Variants in FUT8 observed in about 807,000 individuals in gnomAD.
FUT8 encodes the protein fucosyltransferase 8, also known as alpha-(1,6)-fucosyltransferase.
Under a neutral mutation model 71.3 loss-of-function variants are expected in FUT8, and 29 were observed. The ratio of observed to expected loss-of-function variants is 0.41; its 90% CI spans 0.30 to 0.55. The LOEUF is 0.55. Ranked by LOEUF, FUT8 falls within the 20% of genes least tolerant of loss-of-function variation. The pLI is 0.34. For synonymous variants in FUT8, 254 were observed against 239.3 expected (o/e 1.06, Z -0.57); for missense variants, 544 against 702.1 (o/e 0.77, Z 2.55).
chr14:65,694,269 C>CT (rs1348459060), intron 7 of FUT8, among the ~76,000 whole-genome samples: 1 of 151,522 alleles, frequency 6.6e-6, no homozygotes, highest in Non-Finnish European at 1.5e-5. Flanking sequence ...TTGGGTTTAG[C>CT]TTTTTCTTCC....
rs142089958 is a variant in FUT8 at position 65,552,572 on chromosome 14, A to G, written c.-227-8765A>G. On this transcript the variant is annotated intron_variant, in intron 2 of 10. Coordinates refer to ENST00000673929, the MANE Select transcript of FUT8 (RefSeq NM_001371533.1). ...ATATTATTTAGGAGGTCAGTTACTT[A>G]CTGCTGACATAGTAGAGGATGCTTC... is the stretch of plus-strand genomic sequence containing the variant. Among the ~76,000 whole-genome samples, 156 of 152,310 alleles carry G rather than the reference A, an allele frequency of 1.0e-3. 1 individual carries two copies. The highest frequency in any genetic ancestry group is 3.6e-3 in the African/African-American group (149 of 41,580).
intron 3 of FUT8, among the ~76,000 whole-genome samples, chr14:65,597,871 T>C (rs746808248): frequency 6.6e-6 from 1 of 152,002 alleles, no homozygotes; most frequent in African/African-American, 2.4e-5. Flanking sequence ...CTTAATATGT[T>C]TTAATTTAAG....
intron 10 of FUT8, among the ~76,000 whole-genome samples, chr14:65,734,238 A>G (rs952734066): frequency 3.3e-5 from 5 of 152,224 alleles, no homozygotes; most frequent in African/African-American, 1.2e-4. Context: ...TTGGTATAAG[A>G]TAAATGTATG....
the FUT8 span, among the ~76,000 whole-genome samples, chr14:65,383,276 T>TTTTTTTC: frequency 1.0e-5 from 1 of 100,450 alleles, no homozygotes; most frequent in South Asian, 3.8e-4. Flanking sequence ...TTTTTTTTTT[T>TTTTTTTC]TTTTTTTTTT....
At chr14:65,553,375 C>T (rs1885399962) in intron 2 of FUT8, among the ~76,000 whole-genome samples, 2 of 152,024 alleles carry the variant, frequency 1.3e-5, no homozygotes. Flanking sequence ...ATATGTTTTA[C>T]ATCTACATAT....
chr14:65,629,853 C>CA (rs1890093168), intron 6 of FUT8, among the ~76,000 whole-genome samples: 1 of 151,322 alleles, frequency 6.6e-6, no homozygotes, highest in Non-Finnish European at 1.5e-5. Context: ...CACACACACA[C>CA]ACACAATACA....
intron 5 of FUT8, among the ~76,000 whole-genome samples, chr14:65,628,013 C>T (rs756057667): frequency 7.2e-5 from 11 of 151,968 alleles, no homozygotes; most frequent in Admixed American, 2.6e-4. Flanking sequence ...GGGTGATAGG[C>T]GGGAGTGTTG....
At chr14:65,439,954 G>GTGTACGTATATA in intron 1 of FUT8, among the ~76,000 whole-genome samples, 3,109 of 74,912 alleles carry the variant, frequency 0.042, 387 homozygotes, top group South Asian at 0.06. Context: ...GTGTGTGTGT[G>GTGTACGTATATA]TATATATATA....
chr14:65,502,042 C>A (rs1566787931), intron 2 of FUT8, among the ~76,000 whole-genome samples: 2 of 151,988 alleles, frequency 1.3e-5, no homozygotes, highest in Middle Eastern at 3.4e-3. Context: ...ACCCAAGTAG[C>A]TGGGACTACA....
chr14:65,503,418 C>T (rs910315411), intron 2 of FUT8, among the ~76,000 whole-genome samples: 1 of 152,208 alleles, frequency 6.6e-6, no homozygotes, highest in Non-Finnish European at 1.5e-5. Context: ...GAATTTCATA[C>T]TGATGGCATT....
chr14:65,609,200 C>G (rs759033164), intron 3 of FUT8, among the ~76,000 whole-genome samples: 1 of 150,902 alleles, frequency 6.6e-6, no homozygotes, highest in African/African-American at 2.4e-5. Flanking sequence ...GAGGCTGAAG[C>G]GGAAGAATCA....
At chr14:65,498,536 A>C (rs1336148447) in intron 2 of FUT8, among the ~76,000 whole-genome samples, 2 of 152,166 alleles carry the variant, frequency 1.3e-5, no homozygotes, top group East Asian at 1.9e-4. Context: ...GTACTGAATG[A>C]AGCCAAAATA....
intron 7 of FUT8, among the ~76,000 whole-genome samples, chr14:65,697,287 G>T (rs1894043193): frequency 6.6e-6 from 1 of 152,066 alleles, no homozygotes; most frequent in African/African-American, 2.4e-5. Context: ...TTGTCTTTAG[G>T]CCTTTTAGAG....
In FUT8 at chr14:65,425,842, TGGCG is replaced by T. The variant is rs1414032269; in HGVS notation, c.-326+12632_-326+12635del. ...AATACAAAAAATTAGCTGGGTGTGG[TGGCG>T]GGCCCCTGTAATCCTAGGTATTTGG... On this transcript the variant is annotated intron_variant, in intron 1 of 10. Coordinates refer to ENST00000673929, the MANE Select transcript of FUT8 (RefSeq NM_001371533.1). Among the ~76,000 whole-genome samples, 4 of 152,030 alleles carry T rather than the reference TGGCG, an allele frequency of 2.6e-5. No individual in the cohort carries two copies. The East Asian group carries it at 7.7e-4, about 29-fold the overall frequency.
chr14:65,452,881 A>C (rs1261540714), intron 1 of FUT8, among the ~76,000 whole-genome samples: 2 of 152,194 alleles, frequency 1.3e-5, no homozygotes, highest in Non-Finnish European at 2.9e-5. Context: ...CTGTGTCTTA[A>C]TATACTTAAC....
chr14:65,429,051 A>G (rs1485290309), intron 1 of FUT8, among the ~76,000 whole-genome samples: 1 of 152,228 alleles, frequency 6.6e-6, no homozygotes, highest in Non-Finnish European at 1.5e-5. Context: ...AATAGTGTAC[A>G]TGTGTATATG....
chr14:65,611,469 G>A (rs1052505668), intron 3 of FUT8, among the ~76,000 whole-genome samples: 3 of 150,422 alleles, frequency 2.0e-5, no homozygotes, highest in Non-Finnish European at 4.4e-5. Context: ...TTCATTGATC[G>A]TCTCTCTGAT....
chr14:65,435,017 C>G (rs916197369), intron 1 of FUT8, among the ~76,000 whole-genome samples: 1 of 152,142 alleles, frequency 6.6e-6, no homozygotes, highest in African/African-American at 2.4e-5. Flanking sequence ...AAACACTGAT[C>G]TATTCTCTAT....
Position 65,643,083 on chromosome 14 carries a change from A to G in FUT8, c.597+13477A>G, listed in dbSNP as rs1284117349. 6.6e-6 allele frequency among the ~76,000 whole-genome samples: 1 copy of G among 152,208 alleles called. No homozygotes were observed. The highest frequency in any genetic ancestry group is 1.5e-5 in the Non-Finnish European group (1 of 68,026). On this transcript the variant is annotated intron_variant, in intron 6 of 10. Transcript: ENST00000673929. This position sits in a 1 kb window ranked among gnomAD's most constrained non-coding sequence, Gnocchi z 4.5. ...ATTAATTCCTCCTTCATTTAAAACT[A>G]AAATCCTTACCAAAGTCCAAATTTC...
Sources: gnomAD v4.1 joint callset for allele counts (sites outside exome capture counted in the v4.1 genomes callset) on GRCh38, gnomAD v4.1.1 for gene constraint, Gnocchi (gnomAD v3.1) non-coding constraint, MANE v1.5 for transcripts, NCBI Gene and HGNC (gene_info 2026-07-23, HGNC 2026-07-21) for gene names.